Variants in WDFY3 observed in about 807,000 individuals in gnomAD.
WDFY3 encodes WD repeat and FYVE domain-containing protein 3.
A neutral mutation model predicts 409.6 loss-of-function variants in WDFY3; 66 were observed. That is an observed-to-expected ratio of 0.16 (90% CI 0.13 to 0.20). WDFY3 has a LOEUF of 0.20. WDFY3 is among the 10% of genes least tolerant of loss of function. The pLI is 1.00. For missense variants in WDFY3, 3,031 were observed against 4,298.1 expected, an observed-to-expected ratio of 0.71 and a Z score of 8.24; for synonymous variants, 1,521 against 1,537.1, an observed-to-expected ratio of 0.99 and a Z score of 0.25.
chr4:84,740,152 A>G (rs759836364), intron 39 of WDFY3, 35 bp downstream of exon 39: 2 of 1,607,508 alleles, frequency 1.2e-6, no homozygotes, highest in Non-Finnish European at 1.7e-6. Flanking sequence ...ATCAAAGCCA[A>G]ATTTAACATG....
intron 27 of WDFY3, 55 bp downstream of exon 27, chr4:84,778,448 G>T: frequency 1.4e-6 from 2 of 1,409,470 alleles, no homozygotes; most frequent in Non-Finnish European, 1.9e-6. Flanking sequence ...ATAATCATAT[G>T]GAGTAAGAAA....
chr4:84,943,552 G>A (rs1376665125), intron 1 of WDFY3, among the ~76,000 whole-genome samples: 1 of 152,074 alleles, frequency 6.6e-6, no homozygotes, highest in African/African-American at 2.4e-5. Context: ...CACAAGATGT[G>A]TATAAATCGA....
intron 32 of WDFY3, among the ~76,000 whole-genome samples, chr4:84,762,164 A>G (rs71597384): frequency 0.44 from 66,927 of 150,744 alleles, 15,449 homozygotes; most frequent in African/African-American, 0.54. Flanking sequence ...ACATGCACAC[A>G]TATGTTTATT....
chr4:84,891,074 C>G (rs1764885773), intron 3 of WDFY3, among the ~76,000 whole-genome samples: 1 of 152,204 alleles, frequency 6.6e-6, no homozygotes, highest in Non-Finnish European at 1.5e-5. Context: ...ATAGGCCAGA[C>G]TTTGCCCGCA....
At chr4:84,922,487 G>C (rs1769415121) in intron 2 of WDFY3, among the ~76,000 whole-genome samples, 1 of 152,182 alleles carries the variant, frequency 6.6e-6, no homozygotes, top group Non-Finnish European at 1.5e-5. Context: ...GTAAGTGTGA[G>C]TAGTTGTGTG....
intron 51 of WDFY3, among the ~76,000 whole-genome samples, chr4:84,711,219 C>T (rs1732830901): frequency 6.6e-6 from 1 of 152,158 alleles, no homozygotes; most frequent in South Asian, 2.1e-4. Flanking sequence ...ACCTAGAAGG[C>T]CTCGCTAAGA....
chr4:84,713,548 C>T (rs933254489), intron 50 of WDFY3, among the ~76,000 whole-genome samples: 1 of 152,086 alleles, frequency 6.6e-6, no homozygotes, highest in South Asian at 2.1e-4. Context: ...ATCCACAGGC[C>T]CTTTATTTGA....
intron 1 of WDFY3, among the ~76,000 whole-genome samples, chr4:84,947,190 T>C (rs1772959013): frequency 6.6e-6 from 1 of 151,698 alleles, no homozygotes; most frequent in Non-Finnish European, 1.5e-5. Context: ...GTCACCTTAA[T>C]AGCAGGAGTC....
chr4:84,904,956 C>G (rs1766838682), intron 2 of WDFY3, among the ~76,000 whole-genome samples: 2 of 151,614 alleles, frequency 1.3e-5, no homozygotes, highest in Admixed American at 6.6e-5. Flanking sequence ...TGGTAGTGGT[C>G]CCTGGGGCCC....
At chr4:84,855,475 G>C (rs576949700) in intron 4 of WDFY3, among the ~76,000 whole-genome samples, 25 of 152,184 alleles carry the variant, frequency 1.6e-4, no homozygotes, top group African/African-American at 6.0e-4. Context: ...AAATATTTTT[G>C]GCACTCAGGG....
rs1233456302 is a variant in WDFY3, at chr4:84,873,947, AT to A, written c.-31-13326del. On this transcript the variant is annotated intron_variant, in intron 3 of 67. Coordinates refer to ENST00000295888, the MANE Select transcript of WDFY3 (RefSeq NM_014991.6). ...AGGCATGCACAGCCACGCCTGGGTA[AT>A]TTTTGTATTTTTTGTAGAGATGGAG... Among the ~76,000 whole-genome samples, 7 of 151,800 alleles carry A rather than the reference AT, an allele frequency of 4.6e-5. No homozygotes were observed. In the East Asian group the frequency reaches 1.4e-3, roughly 30 times the overall value.
rs547850814 is a variant in WDFY3, at chr4:84,806,160, A to C, written c.2429+2174T>G. On this transcript the variant is annotated intron_variant, in intron 15 of 67. Coordinates refer to ENST00000295888, the MANE Select transcript of WDFY3 (RefSeq NM_014991.6). ...GAAAAAGATGTCTATAAGCTGATGT[A>C]ATTTGTTGAGAGGTTCTAGAAACAG... Among the ~76,000 whole-genome samples, 78 of 152,312 alleles carry C rather than the reference A, an allele frequency of 5.1e-4. No individual in the cohort carries two copies. The South Asian group carries it at 0.011, about 21-fold the overall frequency.
At chr4:84,681,835 T>C (rs1205011418) in intron 64 of WDFY3, among the ~76,000 whole-genome samples, 1 of 152,226 alleles carries the variant, frequency 6.6e-6, no homozygotes, top group African/African-American at 2.4e-5. Flanking sequence ...ATCTCTATAT[T>C]TCACTGAAAA....
At chr4:84,781,400 T>G (rs1261643229) in intron 25 of WDFY3, among the ~76,000 whole-genome samples, 1 of 149,726 alleles carries the variant, frequency 6.7e-6, no homozygotes, top group Non-Finnish European at 1.5e-5. Context: ...TTGTTTTTTT[T>G]TTTTTTTTTT....
Position 84,736,278 on chromosome 4 carries a change from T to C in WDFY3, c.6807A>G (p.Thr2269=), listed in dbSNP as rs1195031112. Residue 2269 remains threonine (T), a synonymous_variant, in exon 42 of 68, where the codon ACA becomes ACG. Transcript: ENST00000295888. The part of the protein sequence containing the change: ...ISRGEALAPT[T]QSKLSRVSSG... ...TGCTGACACGGGATAATTTGGACTGTGTGGTGGGCGCTAAAGCTTCTCCTC... is the reference window on the plus strand; with the variant it reads ...TGCTGACACGGGATAATTTGGACTGCGTGGTGGGCGCTAAAGCTTCTCCTC... The C allele has an allele frequency of 3.7e-6, 6 of 1,612,460 alleles. No homozygotes were observed. In the African/African-American group the frequency reaches 5.3e-5, roughly 14 times the overall value.
chr4:84,715,963 G>T, intron 49 of WDFY3, among the ~76,000 whole-genome samples: 1 of 151,416 alleles, frequency 6.6e-6, no homozygotes, highest in Middle Eastern at 3.4e-3. Context: ...ATTATAGTAA[G>T]GATGTAATTT....
chr4:84,913,064 T>C (rs1241012154), intron 2 of WDFY3, among the ~76,000 whole-genome samples: 1 of 152,196 alleles, frequency 6.6e-6, no homozygotes, highest in Admixed American at 6.6e-5. Flanking sequence ...TTTAAATTTG[T>C]TTGGTATTGG....
chr4:84,751,313 T>C lies in WDFY3; in HGVS notation c.5973+170A>G, dbSNP rs1740477432. On this transcript the variant is annotated intron_variant, in intron 36 of 67. Transcript: ENST00000295888. Reference sequence around the variant, plus strand: ...TGAGGGAAGGAAAAGAACAAACTGATAGGGTTTAAAGCACATGTGGGATTA... The same window carrying C: ...TGAGGGAAGGAAAAGAACAAACTGACAGGGTTTAAAGCACATGTGGGATTA... 5 of 659,814 alleles carry C rather than the reference T, an allele frequency of 7.6e-6. 1 individual carries two copies. The South Asian group carries it at 7.8e-5, about 10-fold the overall frequency. 40.9% of individuals were successfully genotyped at this position (659,814 alleles called of 1,614,324 possible).
Position 84,820,113 on chromosome 4 carries a change from C to T in WDFY3, c.1665G>A (p.Val555=). Reference sequence around the variant, plus strand: ...CATTTGTGTTTGATCCTTGAAGAAGCACTGTCAAGGTCTCCATAACCAATA... The same window carrying T: ...CATTTGTGTTTGATCCTTGAAGAAGTACTGTCAAGGTCTCCATAACCAATA... The part of the protein sequence containing the change: ...LALLVMETLT[V]LLQGSNTNAG... Residue 555 remains valine, a synonymous_variant, in exon 12 of 68, where the codon GTG becomes GTA. Transcript: ENST00000295888. 8 of 1,603,058 alleles carry T rather than the reference C, an allele frequency of 5.0e-6. No individual in the cohort carries two copies. The highest frequency in any genetic ancestry group is 1.3e-5 in the African/African-American group (1 of 74,582).
Sources: allele counts gnomAD v4.1 joint callset (sites outside exome capture counted in the v4.1 genomes callset), GRCh38; gene constraint gnomAD v4.1.1; transcripts MANE v1.5; gene names NCBI Gene and HGNC (gene_info 2026-07-23, HGNC 2026-07-21).